The following PTPRD variants were observed in gnomAD, a reference collection of about 807,000 sequenced individuals.
The protein encoded by PTPRD is receptor-type tyrosine-protein phosphatase delta.
In PTPRD, 34 loss-of-function variants were observed where a neutral mutation model predicts 214.5. The observed-to-expected ratio is 0.16, with a 90% confidence interval of 0.12 to 0.21. PTPRD has a LOEUF of 0.21. Among genes scored for constraint, PTPRD ranks in the 10% least tolerant of loss-of-function variants. PTPRD has a pLI of 1.00. For missense variants in PTPRD, 2,545 were observed against 2,398.7 expected, an observed-to-expected ratio of 1.06 and a Z score of -1.27; for synonymous variants, 1,128 against 845.7, an observed-to-expected ratio of 1.33 and a Z score of -5.79.
In PTPRD at chr9:9,252,094, C is replaced by T. The variant is rs756368796; in HGVS notation, c.-202-68731G>A. On this transcript the variant is annotated intron_variant, in intron 9 of 45. Transcript: ENST00000381196. ...GCCCAGGATATTTAACATGGTGCCA[C>T]AATACTCCCTGGGGTACTCTGTTGT... 1.3e-3 allele frequency among the ~76,000 whole-genome samples: 195 copies of T among 152,084 alleles called. 1 individual carries two copies. Among genetic ancestry groups the T allele is most frequent in the South Asian group, 3.7e-3 (18 of 4,814 alleles).
At chr9:9,245,854 T>G (rs1046536443) in intron 9 of PTPRD, among the ~76,000 whole-genome samples, 1 of 152,054 alleles carries the variant, frequency 6.6e-6, no homozygotes, top group Non-Finnish European at 1.5e-5. Flanking sequence ...CAGAAATAAA[T>G]TTTCTCACAT....
intron 3 of PTPRD, among the ~76,000 whole-genome samples, chr9:10,065,210 G>C (rs2097856336): frequency 1.9e-5 from 1 of 52,804 alleles, no homozygotes; most frequent in African/African-American, 6.5e-5. Flanking sequence ...GCTTTGCAGA[G>C]GTCCAGAAAC....
intron 7 of PTPRD, among the ~76,000 whole-genome samples, chr9:9,726,358 A>G (rs754469058): frequency 1.3e-5 from 2 of 152,282 alleles, no homozygotes; most frequent in Middle Eastern, 3.4e-3. Flanking sequence ...AGAAATGAAG[A>G]TAAAGTGGGA....
chr9:10,454,964 C>G (rs1055469601), intron 2 of PTPRD, among the ~76,000 whole-genome samples: 2 of 151,616 alleles, frequency 1.3e-5, no homozygotes, highest in Admixed American at 1.3e-4. Flanking sequence ...GTTGAGAGGA[C>G]AAAAATATTT....
chr9:8,845,545 T>C (rs2097674908), intron 11 of PTPRD, among the ~76,000 whole-genome samples: 1 of 152,230 alleles, frequency 6.6e-6, no homozygotes, highest in Non-Finnish European at 1.5e-5. Flanking sequence ...GGCTGTGCCT[T>C]ACAGGCATGG....
At chr9:8,505,401 A>T (rs1207602339) in intron 22 of PTPRD, among the ~76,000 whole-genome samples, 4 of 152,052 alleles carry the variant, frequency 2.6e-5, no homozygotes, top group Non-Finnish European at 1.5e-5. Context: ...GGCGGGCGGA[A>T]CATGAGGTCA....
At chr9:9,227,324 AAGACCG>A (rs2099960134) in intron 9 of PTPRD, among the ~76,000 whole-genome samples, 1 of 152,024 alleles carries the variant, frequency 6.6e-6, no homozygotes, top group Admixed American at 6.6e-5. Context: ...GGTATGGGAG[AAGACCG>A]AGATTCTTTA....
chr9:8,497,185 T>A, intron 26 of PTPRD, 57 bp downstream of exon 26: 1 of 1,416,166 alleles, frequency 7.1e-7, no homozygotes, highest in Non-Finnish European at 9.7e-7. Flanking sequence ...TGAAAGGATG[T>A]CAGAGAAAAC....
rs182825432 is a variant in PTPRD, at chr9:8,341,761, C to T, written c.4879G>A (p.Ala1627Thr). The T allele has an allele frequency of 2.5e-6, 4 of 1,613,586 alleles. No individual in the cohort carries two copies. Among genetic ancestry groups the T allele is most frequent in the Non-Finnish European group, 3.4e-6 (4 of 1,179,716 alleles). ...ATTTGTGTCAGCTTCTGAATGTAGGCATACAAGTTTCTAGCTGGCACTTCG... is the reference window on the plus strand; with the variant it reads ...ATTTGTGTCAGCTTCTGAATGTAGGTATACAAGTTTCTAGCTGGCACTTCG... ...NTEVPARNLY[A>T]YIQKLTQIET... Residue 1627 changes from alanine (A) to threonine (T), a missense_variant, in exon 40 of 46, where the codon GCC becomes ACC. Coordinates refer to ENST00000381196, the MANE Select transcript of PTPRD (RefSeq NM_002839.4).
chr9:8,540,308 G>C (rs1228676005), intron 14 of PTPRD, among the ~76,000 whole-genome samples: 1 of 151,864 alleles, frequency 6.6e-6, no homozygotes, highest in African/African-American at 2.4e-5. Context: ...AGGCCCTCTT[G>C]AATACCATGA....
At position 9,378,337 on chromosome 9, in the gene PTPRD, T is replaced by G. The variant is rs10816101; in HGVS notation, c.-203+19112A>C. On this transcript the variant is annotated intron_variant, in intron 9 of 45. Transcript: ENST00000381196. Reference sequence around the variant, plus strand: ...TACGAATACACATTTAAGTTTCTCCTTGTCTTTTCATAGCTTGACAGATCA... The same window carrying G: ...TACGAATACACATTTAAGTTTCTCCGTGTCTTTTCATAGCTTGACAGATCA... Among the ~76,000 whole-genome samples the G allele has an allele frequency of 2.7e-3, 406 of 152,158 alleles. 1 individual carries two copies. The highest frequency in any genetic ancestry group is 9.4e-3 in the African/African-American group (390 of 41,496).
At chr9:9,868,734 A>G (rs2064660077) in intron 5 of PTPRD, among the ~76,000 whole-genome samples, 1 of 147,938 alleles carries the variant, frequency 6.8e-6, no homozygotes, top group Admixed American at 6.6e-5. Context: ...CTCCTGGAAC[A>G]AAGAAAAATG....
At chr9:8,431,823 C>G (rs1423162148) in intron 35 of PTPRD, among the ~76,000 whole-genome samples, 1 of 152,162 alleles carries the variant, frequency 6.6e-6, no homozygotes, top group Non-Finnish European at 1.5e-5. Flanking sequence ...GTTTTGGTAT[C>G]AGGATGATGC....
intron 4 of PTPRD, among the ~76,000 whole-genome samples, chr9:10,017,743 T>G (rs1175663402): frequency 1.3e-5 from 2 of 152,156 alleles, no homozygotes; most frequent in African/African-American, 4.8e-5. Flanking sequence ...TCTGTATTAC[T>G]AAACCAATGA....
intron 3 of PTPRD, among the ~76,000 whole-genome samples, chr9:10,038,184 T>C (rs984440771): frequency 1.3e-5 from 2 of 152,154 alleles, no homozygotes; most frequent in Non-Finnish European, 2.9e-5. Context: ...ACTCTATTTA[T>C]TCCTTCTTAA....
chr9:8,990,868 G>T (rs537572183), intron 11 of PTPRD, among the ~76,000 whole-genome samples: 1 of 151,930 alleles, frequency 6.6e-6, no homozygotes, highest in Non-Finnish European at 1.5e-5. Flanking sequence ...TACTCTTTTG[G>T]TCCAAGCACA....
intron 8 of PTPRD, among the ~76,000 whole-genome samples, chr9:9,404,978 C>T (rs1043366134): frequency 6.6e-6 from 1 of 152,022 alleles, no homozygotes; most frequent in South Asian, 2.1e-4. Flanking sequence ...TTTAGATTCC[C>T]TAAAATCATG....
chr9:10,346,050 A>G (rs959423040), intron 2 of PTPRD, among the ~76,000 whole-genome samples: 16 of 152,218 alleles, frequency 1.1e-4, no homozygotes, highest in African/African-American at 3.9e-4. Context: ...ATGACAACAC[A>G]GAAAATATAT....
At chr9:10,203,169 CTTTT>C (rs60069193) in intron 3 of PTPRD, among the ~76,000 whole-genome samples, 1 of 119,918 alleles carries the variant, frequency 8.3e-6, no homozygotes, top group Non-Finnish European at 1.8e-5. Flanking sequence ...CCCTCTCTCT[CTTTT>C]TTTTTTTTTT....
Sources: gnomAD v4.1 joint callset for allele counts (sites outside exome capture counted in the v4.1 genomes callset) on GRCh38, gnomAD v4.1.1 for gene constraint, MANE v1.5 for transcripts, NCBI Gene and HGNC (gene_info 2026-07-23, HGNC 2026-07-21) for gene names.